The following CRTC2 variants were observed in gnomAD, a reference collection of about 807,000 sequenced individuals.
CRTC2 encodes the protein CREB-regulated transcription coactivator 2.
A neutral mutation model predicts 70.9 loss-of-function variants in CRTC2; 25 were observed. That is an observed-to-expected ratio of 0.35 (90% CI 0.26 to 0.49). The LOEUF (loss-of-function observed/expected upper bound fraction) is 0.49. CRTC2 is among the 20% of genes least tolerant of loss of function. The pLI, the probability that CRTC2 is intolerant of heterozygous loss-of-function variation, is 0.98. For missense variants in CRTC2, 737 were observed against 882.6 expected (o/e 0.83, Z 2.09); for synonymous variants, 330 against 364.1 (o/e 0.91, Z 1.07).
At chr1:153,950,086 C>T (rs1270100208) in intron 11 of CRTC2, among the ~76,000 whole-genome samples, 1 of 152,214 alleles carries the variant, frequency 6.6e-6, no homozygotes, top group Non-Finnish European at 1.5e-5. Flanking sequence ...GCGTGCGCGA[C>T]TGCACCTGGG....
At chr1:153,953,689 G>T in intron 4 of CRTC2, 83 bp from the exon 5 acceptor site, 1 of 902,590 alleles carries the variant, frequency 1.1e-6, no homozygotes, top group Non-Finnish European at 1.7e-6. Flanking sequence ...ATGTGGGGCA[G>T]CTAAGGTGGA....
chr1:153,954,728 C>G, intron 3 of CRTC2, 145 bp downstream of exon 3: 1 of 706,902 alleles, frequency 1.4e-6, no homozygotes, highest in Non-Finnish European at 2.5e-6. Flanking sequence ...GACGCAGGGG[C>G]TATGGTCGCT....
chr1:153,949,405 G>C lies in CRTC2; in HGVS notation c.1405-21C>G, dbSNP rs1380209871. The C allele has an allele frequency of 3.1e-6, 5 of 1,589,104 alleles. No individual in the cohort carries two copies. The East Asian group carries it at 8.9e-5, about 28-fold the overall frequency. Reference sequence around the variant, plus strand: ...ACGCCCTGAAAAGAAGTAAAAAGAGGGAAGCTTACTGCTCAGTGTATACCC... The same window carrying C: ...ACGCCCTGAAAAGAAGTAAAAAGAGCGAAGCTTACTGCTCAGTGTATACCC... On this transcript the variant is annotated intron_variant, in intron 11 of 13. Transcript: ENST00000368633.
chr1:153,957,896 G>C (rs901328143), intron 1 of CRTC2, among the ~76,000 whole-genome samples: 8 of 152,098 alleles, frequency 5.3e-5, no homozygotes, highest in Non-Finnish European at 1.2e-4. Flanking sequence ...TTTCCCGGGG[G>C]CACCAAAGCG....
intron 11 of CRTC2, 64 bp downstream of exon 11, chr1:153,951,196 G>A: frequency 6.5e-7 from 1 of 1,548,262 alleles, no homozygotes; most frequent in Non-Finnish European, 8.8e-7. Context: ...AGGGTGGGAG[G>A]GAAACAACAT....
rs1448871091 is a variant in CRTC2, at chr1:153,948,154, A to G, written c.2037T>C (p.Pro679=). Residue 679 remains proline, a synonymous_variant, in exon 14 of 14, where the codon CCT becomes CCC. Coordinates refer to ENST00000368633, the MANE Select transcript of CRTC2 (RefSeq NM_181715.3). ...GGAATGACTCCTCCACAGCAGGATC[A>G]GGCAGCAGGGCACAGGGGTCACTCA... ...NMLSDPCALL[P]DPAVEESFRS... is the part of the protein sequence containing the mutation. The G allele has an allele frequency of 6.2e-7, 1 of 1,614,094 alleles. No homozygotes were observed. Among genetic ancestry groups the G allele is most frequent in the African/African-American group, 1.3e-5 (1 of 74,930 alleles).
intron 12 of CRTC2, 58 bp downstream of exon 12, chr1:153,949,057 C>T (rs1253780795): frequency 1.9e-6 from 3 of 1,575,244 alleles, no homozygotes; most frequent in Non-Finnish European, 1.7e-6. Flanking sequence ...CCATTCAGGC[C>T]CCATTGACCC....
intron 1 of CRTC2, chr1:153,957,995 A>G (rs1196126981): frequency 3.5e-6 from 4 of 1,135,224 alleles, no homozygotes; most frequent in Non-Finnish European, 4.4e-6. Flanking sequence ...GCCATACCCC[A>G]ATACCAGGCA....
At chr1:153,953,839 C>T (rs1466232011) in intron 4 of CRTC2, among the ~76,000 whole-genome samples, 1 of 152,118 alleles carries the variant, frequency 6.6e-6, no homozygotes, top group Non-Finnish European at 1.5e-5. Context: ...ATCTTGGAGC[C>T]CAGCAGCATT....
At position 153,952,788 on chromosome 1, in the gene CRTC2, C is replaced by A. The variant is rs200473751; in HGVS notation, c.637+17G>T. 2.6e-3 allele frequency: 4,248 copies of A among 1,614,192 alleles called. 6 individuals carry two copies. Among genetic ancestry groups the A allele is most frequent in the Non-Finnish European group, 3.2e-3 (3,745 of 1,179,986 alleles). ...ATTCTTTGGCATTCAGTACCCACAG[C>A]AGTGAGGAACACATACCTTTGGGGT... On this transcript the variant is annotated intron_variant, in intron 7 of 13. Coordinates refer to ENST00000368633, the MANE Select transcript of CRTC2 (RefSeq NM_181715.3).
In CRTC2 at chr1:153,952,145, G is replaced by T. The variant is rs772620203; in HGVS notation, c.870C>A (p.Pro290=). The T allele has an allele frequency of 3.1e-6, 5 of 1,614,172 alleles. No homozygotes were observed. The highest frequency in any genetic ancestry group is 3.3e-5 in the Admixed American group (2 of 60,022). The change falls in exon 10 of 14, where the codon CCC becomes CCA. Residue 290 remains proline (P), a synonymous_variant. Coordinates refer to ENST00000368633, the MANE Select transcript of CRTC2 (RefSeq NM_181715.3). ...NLHFPPPLPT[P]LDPEETAYPS... is the part of the protein sequence containing the mutation. Reference sequence around the variant, plus strand: ...GGTAGGCTGTCTCTTCAGGGTCCAGGGGGGTGGGCAGTGGTGGGGGAAAGT... The same window carrying T: ...GGTAGGCTGTCTCTTCAGGGTCCAGTGGGGTGGGCAGTGGTGGGGGAAAGT...
intron 1 of CRTC2, 49 bp downstream of exon 1, chr1:153,958,296 G>A (rs143873821): frequency 0.022 from 34,047 of 1,582,282 alleles, 430 homozygotes; most frequent in Non-Finnish European, 0.025. Flanking sequence ...TCCGGTCTCC[G>A]CTCCGTAACT....
Position 153,949,367 on chromosome 1 carries a change from G to A in CRTC2, c.1422C>T (p.Thr474=). ...ACCGCTGGTCAGTGGACAGTTTACT[G>A]GTATCCAGGGGGACGCCCTGAAAAG... ...SSITQGVPLD[T]SKLSTDQRLP... Residue 474 remains threonine, a synonymous_variant, in exon 12 of 14, where the codon ACC becomes ACT. Coordinates refer to ENST00000368633, the MANE Select transcript of CRTC2 (RefSeq NM_181715.3). 1 of 1,610,434 alleles carries A rather than the reference G, an allele frequency of 6.2e-7. No individual in the cohort carries two copies.
chr1:153,958,477 G>A lies in CRTC2; in HGVS notation c.21C>T (p.Asn7=), dbSNP rs772606678. The change falls in exon 1 of 14, where the codon AAC becomes AAT. Residue 7 remains asparagine, a synonymous_variant. Coordinates refer to ENST00000368633, the MANE Select transcript of CRTC2 (RefSeq NM_181715.3). The part of the protein sequence containing the change: MATSGA[N]GPGSATASAS... ...CCGAGGCCGTGGCCGAACCAGGCCC[G>A]TTCGCCCCCGACGTCGCCATCTTCC... is the stretch of plus-strand genomic sequence containing the variant. The A allele has an allele frequency of 3.1e-6, 5 of 1,610,964 alleles. No individual in the cohort carries two copies. Among genetic ancestry groups the A allele is most frequent in the Non-Finnish European group, 4.2e-6 (5 of 1,178,234 alleles).
rs775675656 is a variant in CRTC2 at position 153,954,267 on chromosome 1, G to C, written c.422C>G (p.Ser141Cys). 1 of 1,612,292 alleles carries C rather than the reference G, an allele frequency of 6.2e-7. No individual in the cohort carries two copies. Among genetic ancestry groups the C allele is most frequent in the South Asian group, 1.1e-5 (1 of 90,684 alleles). ...SPAYLSPPPESSWRRTMAWGN... is the reference protein window; with the variant it reads ...SPAYLSPPPECSWRRTMAWGN... ...CCTGGACACTTACCTTCGCCAGCTA[G>C]ACTCTGGGGGAGGAGATAAGTAGGC... The change falls in exon 4 of 14, where the codon TCT (serine) becomes TGT (cysteine). Residue 141 changes from serine (S) to cysteine (C), a missense_variant. Ser to Cys is a moderately radical substitution (Grantham distance 112, BLOSUM62 -1). Around this residue, in one of 3 missense-constraint regions of CRTC2, gnomAD observed 699 missense variants for 823.7 expected, o/e 0.85. Coordinates refer to ENST00000368633, the MANE Select transcript of CRTC2 (RefSeq NM_181715.3).
chr1:153,958,369 C>T lies in CRTC2; in HGVS notation c.129G>A (p.Val43=). 6.2e-7 allele frequency: 1 copy of T among 1,612,874 alleles called. No homozygotes were observed. Among genetic ancestry groups the T allele is most frequent in the Non-Finnish European group, 8.5e-7 (1 of 1,179,596 alleles). Residue 43 remains valine, a synonymous_variant, in exon 1 of 14, where the codon GTG becomes GTA. Transcript: ENST00000368633. ...CCCGGGTGGAGCCGATGTCCATCAT[C>T]ACCTCCTCGAAGGCCGCCGTCTCCT... The part of the protein sequence containing the change: ...QAEETAAFEE[V]MMDIGSTRLQ...
Position 153,951,291 on chromosome 1 carries a change from GT to G in CRTC2, c.1372del (p.Thr458GlnfsTer94). The stretch of plus-strand genomic sequence containing the variant: ...GATGGAAGACAAGGTGGGTGACATT[GT>G]TGGCGAAAACTGTTTGGGCAGCTGC... ...QQQLPKQFSP[T>X]MSPTLSSITQ... On this transcript the variant is annotated frameshift_variant, in exon 11 of 14. Coordinates refer to ENST00000368633, the MANE Select transcript of CRTC2 (RefSeq NM_181715.3). LOFTEE classifies it high-confidence loss of function. The G allele has an allele frequency of 6.2e-7, 1 of 1,614,112 alleles. No individual in the cohort carries two copies. Among genetic ancestry groups the G allele is most frequent in the Non-Finnish European group, 8.5e-7 (1 of 1,180,010 alleles).
At chr1:153,955,236 A>G in intron 1 of CRTC2, 70 bp from the exon 2 acceptor site, 1 of 1,173,898 alleles carries the variant, frequency 8.5e-7, no homozygotes, top group Non-Finnish European at 1.3e-6. Flanking sequence ...CATCCTTGCC[A>G]TCTCTGTCAC....
At position 153,952,269 on chromosome 1, in the gene CRTC2, G is replaced by A. The variant is rs892907365; in HGVS notation, c.753-7C>T. On this transcript the variant is annotated splice_region_variant and splice_polypyrimidine_tract_variant and intron_variant, in intron 9 of 13. Coordinates refer to ENST00000368633, the MANE Select transcript of CRTC2 (RefSeq NM_181715.3). ...GTCAGGAGATGGAAAGATGCTAGGGGAAGGAGAGAAAAAGAAAGATGTAAA... is the reference window on the plus strand; with the variant it reads ...GTCAGGAGATGGAAAGATGCTAGGGAAAGGAGAGAAAAAGAAAGATGTAAA... 2.6e-5 allele frequency: 41 copies of A among 1,600,908 alleles called. No homozygotes were observed. The highest frequency in any genetic ancestry group is 3.3e-5 in the Non-Finnish European group (39 of 1,172,204).
Sources: allele counts gnomAD v4.1 joint callset (sites outside exome capture counted in the v4.1 genomes callset), GRCh38; gene constraint gnomAD v4.1.1; regional missense constraint gnomAD v4.1.1; transcripts MANE v1.5; gene names NCBI Gene and HGNC (gene_info 2026-07-23, HGNC 2026-07-21).